LRMDA: variants seen among roughly 807,000 people sequenced by gnomAD.
The protein encoded by LRMDA is leucine rich melanocyte differentiation associated.
Under a neutral mutation model 29.8 loss-of-function variants are expected in LRMDA, and 18 were observed. The ratio of observed to expected loss-of-function variants is 0.60; its 90% CI spans 0.42 to 0.90. LRMDA has a LOEUF of 0.90. LRMDA is among the 40% of genes least tolerant of loss of function. The pLI is 0.00. For missense variants in LRMDA, 273 were observed against 273.9 expected (o/e 1.00, Z 0.02); for synonymous variants, 125 against 109.4 (o/e 1.14, Z -0.89).
At position 76,001,968 on chromosome 10, in the gene LRMDA, C is replaced by T. The variant is rs141988121; in HGVS notation, c.132-34040C>T. Among the ~76,000 whole-genome samples the T allele has an allele frequency of 5.1e-3, 777 of 152,128 alleles. 2 individuals carry two copies. The highest frequency in any genetic ancestry group is 6.4e-3 in the Non-Finnish European group (434 of 68,004). On this transcript the variant is annotated intron_variant, in intron 2 of 6. Transcript: ENST00000611255. ...ACCCTGAGGGCTCAAGAAGAACTGC[C>T]GTTTCTACTTGCCATGGTGTCTTAC...
At chr10:75,470,170 G>A (rs991617665) in intron 2 of LRMDA, among the ~76,000 whole-genome samples, 25 of 152,138 alleles carry the variant, frequency 1.6e-4, no homozygotes, top group African/African-American at 5.8e-4. Context: ...TTCTGCCTAC[G>A]TTGCATTTAT....
At chr10:76,395,218 TA>T (rs1369195633) in intron 6 of LRMDA, among the ~76,000 whole-genome samples, 2 of 152,206 alleles carry the variant, frequency 1.3e-5, no homozygotes, top group African/African-American at 2.4e-5. Context: ...ACCATATTTC[TA>T]GTCCTCCCTC....
intron 6 of LRMDA, among the ~76,000 whole-genome samples, chr10:76,363,180 G>GAAAGAAAGAAAGAAAGAAAGAAA: frequency 9.2e-5 from 1 of 10,870 alleles, no homozygotes; most frequent in South Asian, 2.7e-3. Flanking sequence ...AAAGAAAGGA[G>GAAAGAAAGAAAGAAAGAAAGAAA]GGAGGGAGGG....
intron 6 of LRMDA, among the ~76,000 whole-genome samples, chr10:76,451,233 G>A (rs758647455): frequency 8.0e-5 from 12 of 150,916 alleles, no homozygotes; most frequent in Non-Finnish European, 1.0e-4. Context: ...ACAGAGTCTC[G>A]CTCTATCGCC....
intron 6 of LRMDA, among the ~76,000 whole-genome samples, chr10:76,515,598 C>T (rs1843052301): frequency 6.6e-6 from 1 of 152,068 alleles, no homozygotes; most frequent in Non-Finnish European, 1.5e-5. Flanking sequence ...CTCTGCCTCT[C>T]AGGCTCAAGC....
chr10:75,608,456 G>A (rs1295154168), intron 2 of LRMDA, among the ~76,000 whole-genome samples: 1 of 151,974 alleles, frequency 6.6e-6, no homozygotes. Context: ...TGTATACTAG[G>A]AATTTGCTAA....
At chr10:76,480,056 G>A (rs370520943) in intron 6 of LRMDA, among the ~76,000 whole-genome samples, 1 of 151,956 alleles carries the variant, frequency 6.6e-6, no homozygotes, top group East Asian at 1.9e-4. Context: ...AATCTTTTAG[G>A]TTGATCATTA....
chr10:75,738,668 C>T (rs1842794274), intron 2 of LRMDA, among the ~76,000 whole-genome samples: 1 of 152,176 alleles, frequency 6.6e-6, no homozygotes, highest in Non-Finnish European at 1.5e-5. Context: ...GGGGTTAAAT[C>T]AAGTTCCATG....
intron 6 of LRMDA, among the ~76,000 whole-genome samples, chr10:76,394,411 T>A (rs1463265255): frequency 6.6e-6 from 1 of 152,170 alleles, no homozygotes; most frequent in Non-Finnish European, 1.5e-5. Context: ...ATATATTTTG[T>A]CAACTTGTGA....
At chr10:75,708,069 GT>G (rs1421542411) in intron 2 of LRMDA, among the ~76,000 whole-genome samples, 1 of 152,142 alleles carries the variant, frequency 6.6e-6, no homozygotes, top group African/African-American at 2.4e-5. Context: ...AAGATGAGGA[GT>G]GATGAGCCAA....
At chr10:76,297,955 T>C (rs1322416215) in intron 5 of LRMDA, among the ~76,000 whole-genome samples, 2 of 152,248 alleles carry the variant, frequency 1.3e-5, no homozygotes, top group Non-Finnish European at 2.9e-5. Flanking sequence ...CATTTACCTT[T>C]TTAAAATGCA....
intron 5 of LRMDA, among the ~76,000 whole-genome samples, chr10:76,224,695 G>T (rs1267037705): frequency 1.2e-4 from 15 of 121,156 alleles, no homozygotes; most frequent in African/African-American, 3.9e-4. Flanking sequence ...TTTTTTACCG[G>T]ACAAAAATCT....
chr10:75,656,424 T>G (rs563268344), intron 2 of LRMDA, among the ~76,000 whole-genome samples: 1 of 152,338 alleles, frequency 6.6e-6, no homozygotes, highest in South Asian at 2.1e-4. Context: ...TATTGTTGGT[T>G]GCTGTTGTTA....
At position 76,036,112 on chromosome 10, in the gene LRMDA, C is replaced by T. The variant is rs528847009; in HGVS notation, c.236C>T (p.Thr79Ile). The change falls in exon 3 of 7, where the codon ACC (threonine) becomes ATC (isoleucine). Residue 79 changes from threonine (T) to isoleucine (I), a missense_variant. By Grantham distance (89) the Thr-to-Ile change is moderately conservative (BLOSUM62 -1). Coordinates refer to ENST00000611255, the MANE Select transcript of LRMDA (RefSeq NM_001305581.2). Reference protein sequence around the residue: ...LVLPGLPRLHTLTLNKNRITD... With the variant: ...LVLPGLPRLHILTLNKNRITD... ...TTGCCAGGGTTACCCAGACTGCATA[C>T]CTTAACCCTCAACAAGAACCGAATA... 73 of 1,613,904 alleles carry T rather than the reference C, an allele frequency of 4.5e-5. No individual in the cohort carries two copies. The Admixed American group carries it at 6.2e-4, about 14-fold the overall frequency.
At chr10:76,048,224 A>G (rs1218988928) in intron 4 of LRMDA, among the ~76,000 whole-genome samples, 1 of 152,150 alleles carries the variant, frequency 6.6e-6, no homozygotes, top group East Asian at 1.9e-4. Context: ...GTCTATATGT[A>G]TATGTATGTG....
intron 2 of LRMDA, among the ~76,000 whole-genome samples, chr10:75,703,655 C>T (rs1842334322): frequency 6.6e-6 from 1 of 152,206 alleles, no homozygotes; most frequent in Non-Finnish European, 1.5e-5. Flanking sequence ...TCACATCCTT[C>T]ATGATGTTTA....
intron 5 of LRMDA, among the ~76,000 whole-genome samples, chr10:76,296,272 A>G (rs867925512): frequency 1.3e-5 from 2 of 152,326 alleles, no homozygotes; most frequent in Non-Finnish European, 1.5e-5. Context: ...ACCCCTTGTC[A>G]TCTCTGTTAT....
intron 2 of LRMDA, among the ~76,000 whole-genome samples, chr10:75,738,221 C>G (rs1842789171): frequency 6.6e-6 from 1 of 151,820 alleles, no homozygotes; most frequent in South Asian, 2.1e-4. Context: ...TGAACTTCTC[C>G]CTGTCTCCTC....
chr10:75,494,701 A>C (rs560239603), intron 2 of LRMDA, among the ~76,000 whole-genome samples: 2 of 151,948 alleles, frequency 1.3e-5, no homozygotes, highest in South Asian at 4.2e-4. Flanking sequence ...GGGTTTCGCC[A>C]TGTTGGCCAG....
Sources: allele counts gnomAD v4.1 joint callset (sites outside exome capture counted in the v4.1 genomes callset), GRCh38; gene constraint gnomAD v4.1.1; transcripts MANE v1.5; gene names NCBI Gene and HGNC (gene_info 2026-07-23, HGNC 2026-07-21).